Variants in GALNTL6 observed in about 807,000 individuals in gnomAD.
The protein encoded by GALNTL6 is polypeptide N-acetylgalactosaminyltransferase like 6, also known as polypeptide N-acetylgalactosaminyltransferase-like 6.
A neutral mutation model predicts 73.7 loss-of-function variants in GALNTL6; 46 were observed. That is an observed-to-expected ratio of 0.62 (90% CI 0.49 to 0.80). The LOEUF (loss-of-function observed/expected upper bound fraction) is 0.80, where lower values mean the gene tolerates loss of function less well. Among genes scored for constraint, GALNTL6 ranks in the 30% least tolerant of loss-of-function variants. The pLI, the probability that GALNTL6 is intolerant of heterozygous loss-of-function variation, is 0.00. For missense variants in GALNTL6, 604 were observed against 755.0 expected, an observed-to-expected ratio of 0.80 and a Z score of 2.34; for synonymous variants, 259 against 263.7, an observed-to-expected ratio of 0.98 and a Z score of 0.17.
At chr4:172,251,556 A>T (rs1408263571) in intron 3 of GALNTL6, among the ~76,000 whole-genome samples, 1 of 152,126 alleles carries the variant, frequency 6.6e-6, no homozygotes, top group Non-Finnish European at 1.5e-5. Flanking sequence ...TCTTCCCTAC[A>T]TCTGGTCCTG....
chr4:172,097,995 C>T (rs1732406232), intron 2 of GALNTL6, among the ~76,000 whole-genome samples: 1 of 151,504 alleles, frequency 6.6e-6, no homozygotes, highest in South Asian at 2.1e-4. Flanking sequence ...CACACTTTTG[C>T]CAAAGGAAAT....
chr4:172,767,357 G>A lies in GALNTL6; in HGVS notation c.554-42004G>A, dbSNP rs966441430. Among the ~76,000 whole-genome samples the A allele has an allele frequency of 7.2e-5, 11 of 152,306 alleles. No homozygotes were observed. In the East Asian group the frequency reaches 1.7e-3, roughly 24 times the overall value. On this transcript the variant is annotated intron_variant, in intron 5 of 12. Coordinates refer to ENST00000506823, the MANE Select transcript of GALNTL6 (RefSeq NM_001034845.3). ...GTACCAATGTATACAATGAAGAAGT[G>A]TAAAATGCAAGCCTTGAAGAAATAA... is the stretch of plus-strand genomic sequence containing the variant.
chr4:171,989,995 G>A (rs1227740804), intron 2 of GALNTL6, among the ~76,000 whole-genome samples: 2 of 151,410 alleles, frequency 1.3e-5, no homozygotes, highest in African/African-American at 4.9e-5. Flanking sequence ...GGGAGGGCTA[G>A]TCACGGAAGG....
chr4:172,163,935 A>G (rs536390665), intron 2 of GALNTL6, among the ~76,000 whole-genome samples: 2 of 152,166 alleles, frequency 1.3e-5, no homozygotes, highest in South Asian at 4.1e-4. Context: ...AAAATCACAT[A>G]TATATGCCTG....
intron 5 of GALNTL6, among the ~76,000 whole-genome samples, chr4:172,654,189 A>G (rs1373180531): frequency 6.6e-6 from 1 of 152,228 alleles, no homozygotes. Context: ...AAGTGAAAAT[A>G]TGATTCAAAT....
chr4:172,793,914 A>G (rs573151027), intron 5 of GALNTL6, among the ~76,000 whole-genome samples: 3 of 152,328 alleles, frequency 2.0e-5, no homozygotes, highest in African/African-American at 4.8e-5. Context: ...AGTGATATAT[A>G]TACATACATA....
At chr4:172,280,596 A>G (rs1739008946) in intron 3 of GALNTL6, among the ~76,000 whole-genome samples, 1 of 152,012 alleles carries the variant, frequency 6.6e-6, no homozygotes, top group Non-Finnish European at 1.5e-5. Flanking sequence ...TTTAAAAGTT[A>G]CCATTCAACA....
intron 2 of GALNTL6, among the ~76,000 whole-genome samples, chr4:172,189,463 A>T (rs1735507655): frequency 6.6e-6 from 1 of 151,998 alleles, no homozygotes. Flanking sequence ...TAACAAAATG[A>T]AGACTTTCAG....
chr4:172,341,403 A>G (rs1004224028), intron 4 of GALNTL6, among the ~76,000 whole-genome samples: 1 of 146,084 alleles, frequency 6.8e-6, no homozygotes, highest in African/African-American at 2.6e-5. Context: ...GTGAGCCGAG[A>G]TCCCGCCACT....
intron 2 of GALNTL6, among the ~76,000 whole-genome samples, chr4:172,214,993 A>C (rs891077330): frequency 5.9e-5 from 9 of 152,064 alleles, no homozygotes; most frequent in African/African-American, 2.2e-4. Flanking sequence ...CATTTAGTTC[A>C]AATTTCTCTG....
At chr4:172,499,157 G>A (rs574254213) in intron 5 of GALNTL6, among the ~76,000 whole-genome samples, 9 of 152,180 alleles carry the variant, frequency 5.9e-5, no homozygotes, top group African/African-American at 2.2e-4. Context: ...ACGTTCCTAT[G>A]GACTGCAAGT....
At chr4:172,904,471 G>A (rs767050292) in intron 8 of GALNTL6, among the ~76,000 whole-genome samples, 4 of 152,146 alleles carry the variant, frequency 2.6e-5, no homozygotes, top group South Asian at 2.1e-4. Context: ...TATGGGATGA[G>A]GCTGTCTCTT....
chr4:172,020,344 T>C (rs943723252), intron 2 of GALNTL6, among the ~76,000 whole-genome samples: 1 of 144,154 alleles, frequency 6.9e-6, no homozygotes, highest in African/African-American at 2.5e-5. Context: ...ATGAAGAAAA[T>C]AATACAAAAG....
chr4:172,351,414 A>G (rs1741941516), intron 5 of GALNTL6, among the ~76,000 whole-genome samples: 1 of 152,196 alleles, frequency 6.6e-6, no homozygotes, highest in East Asian at 1.9e-4. Flanking sequence ...AATTTAATCA[A>G]TAAGGAGATT....
At chr4:172,766,817 A>G (rs1481130724) in intron 5 of GALNTL6, among the ~76,000 whole-genome samples, 1 of 152,242 alleles carries the variant, frequency 6.6e-6, no homozygotes, top group Non-Finnish European at 1.5e-5. Context: ...AATAGTGCCA[A>G]CGAATTACTG....
At chr4:172,711,694 G>C (rs1734717224) in intron 5 of GALNTL6, among the ~76,000 whole-genome samples, 2 of 152,294 alleles carry the variant, frequency 1.3e-5, no homozygotes, top group South Asian at 4.1e-4. Flanking sequence ...GAACACATTA[G>C]ATTTCCAAGT....
intron 2 of GALNTL6, among the ~76,000 whole-genome samples, chr4:171,987,159 C>A (rs185737990): frequency 1.3e-5 from 2 of 152,290 alleles, no homozygotes; most frequent in African/African-American, 4.8e-5. Flanking sequence ...ACAGGCCTGA[C>A]TTCTGAGAAG....
At chr4:172,263,722 A>G (rs548330904) in intron 3 of GALNTL6, among the ~76,000 whole-genome samples, 1 of 151,644 alleles carries the variant, frequency 6.6e-6, no homozygotes, top group Non-Finnish European at 1.5e-5. Context: ...AATAATGCTA[A>G]TAATTTTTTA....
intron 5 of GALNTL6, among the ~76,000 whole-genome samples, chr4:172,489,312 A>G (rs914025012): frequency 2.0e-5 from 3 of 152,234 alleles, no homozygotes; most frequent in Admixed American, 2.0e-4. Context: ...AAAGAAAAAC[A>G]TTAGCAAACC....
Sources: gnomAD v4.1 joint callset for allele counts (sites outside exome capture counted in the v4.1 genomes callset) on GRCh38, gnomAD v4.1.1 for gene constraint, MANE v1.5 for transcripts, NCBI Gene and HGNC (gene_info 2026-07-23, HGNC 2026-07-21) for gene names.